PNPLA7: variants seen among roughly 807,000 people sequenced by gnomAD.
The protein encoded by PNPLA7 is patatin-like phospholipase domain-containing protein 7.
PNPLA7 carries 153 observed loss-of-function variants against 161.7 expected under a neutral mutation model. The ratio of observed to expected loss-of-function variants is 0.95; its 90% CI spans 0.83 to 1.08. The LOEUF is 1.08. PNPLA7 is among the 50% of genes least tolerant of loss of function. PNPLA7 has a pLI of 0.00. For synonymous variants in PNPLA7, 809 were observed against 782.1 expected (o/e 1.03, Z -0.57); for missense variants, 1,739 against 1,856.6 (o/e 0.94, Z 1.16).
intron 25 of PNPLA7, among the ~76,000 whole-genome samples, chr9:137,470,400 ACTTT>A (rs531225791): frequency 2.9e-3 from 438 of 152,154 alleles, no homozygotes; most frequent in Middle Eastern, 0.027. Flanking sequence ...TGGATATGAA[ACTTT>A]CTTTGTGGGG....
rs1217383880 is a variant in PNPLA7, at chr9:137,540,840, T to A, written c.667-118A>T. 3 of 855,102 alleles carry A rather than the reference T, an allele frequency of 3.5e-6. No homozygotes were observed. Among genetic ancestry groups the A allele is most frequent in the Admixed American group, 4.1e-5 (2 of 48,458 alleles). The allele number at this position is 855,102 out of a possible 1,614,324, so 53.0% of individuals were successfully genotyped here. Reference sequence around the variant, plus strand: ...ACGGGCCTGCACCTCTGAGGCGCCATGAGAGCAGCAGGCACCTTGGATGGA... The same window carrying A: ...ACGGGCCTGCACCTCTGAGGCGCCAAGAGAGCAGCAGGCACCTTGGATGGA... On this transcript the variant is annotated intron_variant, in intron 7 of 34. Coordinates refer to ENST00000406427, the MANE Select transcript of PNPLA7 (RefSeq NM_001098537.3). The surrounding 1 kb of genome is among the most constrained non-coding windows in gnomAD (Gnocchi z 5.1).
At chr9:137,478,899 A>T (rs1588559059) in intron 24 of PNPLA7, 157 bp downstream of exon 24, 9 of 1,083,828 alleles carry the variant, frequency 8.3e-6, no homozygotes, top group Non-Finnish European at 1.1e-5. Context: ...AAAGGGCAAG[A>T]TGAAGGAGAC....
rs116588758 is a variant in PNPLA7 at position 137,461,817 on chromosome 9, G to T, written c.3756+114C>A. 3.0e-3 allele frequency: 3,768 copies of T among 1,271,154 alleles called. 87 individuals are homozygous for T. In the African/African-American group the frequency reaches 0.05, roughly 17 times the overall value. The allele number at this position is 1,271,154 out of a possible 1,614,324, so 78.7% of individuals were successfully genotyped here. On this transcript the variant is annotated intron_variant, in intron 32 of 34. Coordinates refer to ENST00000406427, the MANE Select transcript of PNPLA7 (RefSeq NM_001098537.3). ...GGCCCTGGAGTCTTTGGCCAGGGGG[G>T]CAGGGCCTGTGGCCTGAGGAGCTGG...
At chr9:137,525,331 G>A (rs1835245128) in intron 8 of PNPLA7, among the ~76,000 whole-genome samples, 2 of 152,192 alleles carry the variant, frequency 1.3e-5, no homozygotes, top group African/African-American at 4.8e-5. Context: ...ACAAAGAGAT[G>A]GAAGAAAAGA....
chr9:137,532,515 A>G (rs769246387), intron 8 of PNPLA7, among the ~76,000 whole-genome samples: 4 of 152,222 alleles, frequency 2.6e-5, no homozygotes, highest in Non-Finnish European at 5.9e-5. Context: ...GCTCTCTTAA[A>G]AAGATACAAA....
intron 30 of PNPLA7, 81 bp from the exon 31 acceptor site, chr9:137,462,412 T>C: frequency 6.6e-7 from 1 of 1,517,410 alleles, no homozygotes; most frequent in Non-Finnish European, 8.8e-7. Context: ...GGACAGGTTC[T>C]GGGGACCCAT....
chr9:137,504,760 T>A (rs1455542557), intron 14 of PNPLA7, among the ~76,000 whole-genome samples: 1 of 152,186 alleles, frequency 6.6e-6, no homozygotes, highest in Non-Finnish European at 1.5e-5. Context: ...TTGGAGATTT[T>A]TGAGACAGAA....
Position 137,547,385 on chromosome 9 carries a change from A to T in PNPLA7, c.117T>A (p.Ile39=). The T allele has an allele frequency of 6.2e-7, 1 of 1,613,476 alleles. No individual in the cohort carries two copies. The highest frequency in any genetic ancestry group is 8.5e-7 in the Non-Finnish European group (1 of 1,179,972). ...CCAGGGCCAGGAGGGCTCCAACTGC[A>T]ATCCCCGTCAGCTGGCCGAGAGTGG... ...EGSPSTMLTG[I]AVGALLALAL... The change falls in exon 3 of 35, where the codon ATT becomes ATA. Residue 39 remains isoleucine, a synonymous_variant. Transcript: ENST00000406427. This position sits in a 1 kb window ranked among gnomAD's most constrained non-coding sequence, Gnocchi z 4.6.
Position 137,484,746 on chromosome 9 carries a change from A to G in PNPLA7, c.2198-10T>C. The G allele has an allele frequency of 6.2e-7, 1 of 1,602,314 alleles. No homozygotes were observed. Among genetic ancestry groups the G allele is most frequent in the African/African-American group, 1.3e-5 (1 of 74,858 alleles). On this transcript the variant is annotated splice_polypyrimidine_tract_variant and intron_variant, in intron 20 of 34. Transcript: ENST00000406427. ...AGCCCAAGCTGGTGGCCTGTGGAGC[A>G]AAGGACCCACGTCAGCTGGGACAGC...
At chr9:137,508,423 T>C (rs187107156) in intron 12 of PNPLA7, among the ~76,000 whole-genome samples, 7,037 of 151,714 alleles carry the variant, frequency 0.046, 237 homozygotes, top group Middle Eastern at 0.092. Flanking sequence ...AAAAATTAGC[T>C]GGGCATGGTG....
rs528134153 is a variant in PNPLA7 at position 137,489,576 on chromosome 9, C to G, written c.2197+3437G>C. Reference sequence around the variant, plus strand: ...GCATGTCACAGACGGAATTATTTCTCCAGGACGATAAAGCTGTTATCATTA... The same window carrying G: ...GCATGTCACAGACGGAATTATTTCTGCAGGACGATAAAGCTGTTATCATTA... On this transcript the variant is annotated intron_variant, in intron 20 of 34. Transcript: ENST00000406427. Among the ~76,000 whole-genome samples, 80 of 152,290 alleles carry G rather than the reference C, an allele frequency of 5.3e-4. 1 individual carries two copies. Among genetic ancestry groups the G allele is most frequent in the Middle Eastern group, 3.4e-3 (1 of 294 alleles).
Position 137,532,584 on chromosome 9 carries a change from G to A in PNPLA7, c.747+8058C>T, listed in dbSNP as rs535941203. 4.6e-5 allele frequency among the ~76,000 whole-genome samples: 7 copies of A among 152,278 alleles called. No homozygotes were observed. In the South Asian group the frequency reaches 6.2e-4, roughly 14 times the overall value. On this transcript the variant is annotated intron_variant, in intron 8 of 34. Coordinates refer to ENST00000406427, the MANE Select transcript of PNPLA7 (RefSeq NM_001098537.3). ...TAAAAAATGTCACTGAAATTTTAGC[G>A]GCTGATGAAAGCAAGTGACAGGGTC...
intron 14 of PNPLA7, among the ~76,000 whole-genome samples, chr9:137,502,737 C>CGGGGGAGACCCGGGGGAT (rs1554767775): frequency 1.6e-5 from 1 of 62,904 alleles, no homozygotes; most frequent in Non-Finnish European, 3.5e-5. Context: ...ACGGGGGGGA[C>CGGGGGAGACCCGGGGGAT]GAGAGGGATG....
At chr9:137,510,790 C>T (rs1223438254) in intron 12 of PNPLA7, among the ~76,000 whole-genome samples, 2 of 152,200 alleles carry the variant, frequency 1.3e-5, no homozygotes, top group Non-Finnish European at 2.9e-5. Flanking sequence ...GCCTGAAACG[C>T]CACCAGGCAG....
rs138732161 is a variant in PNPLA7, at chr9:137,475,925, T to A, written c.2882+2109A>T. ...TATGCATGGTCTTAAAATGTTTACT[T>A]CCCCATGCGTCTTCTCCTAGGGAGA... On this transcript the variant is annotated intron_variant, in intron 25 of 34. Transcript: ENST00000406427. 7.5e-4 allele frequency among the ~76,000 whole-genome samples: 114 copies of A among 152,286 alleles called. 1 individual carries two copies. Among genetic ancestry groups the A allele is most frequent in the Non-Finnish European group, 1.2e-3 (83 of 68,032 alleles).
At chr9:137,465,368 C>T (rs1368332079) in intron 26 of PNPLA7, among the ~76,000 whole-genome samples, 6 of 152,134 alleles carry the variant, frequency 3.9e-5, no homozygotes, top group East Asian at 1.9e-4. Flanking sequence ...GATCCCAGCA[C>T]GGAAAGAGGA....
intron 25 of PNPLA7, among the ~76,000 whole-genome samples, chr9:137,475,626 G>A (rs534320544): frequency 1.3e-5 from 2 of 151,904 alleles, no homozygotes; most frequent in Non-Finnish European, 2.9e-5. Context: ...TGCCCACCTT[G>A]GCCTCCCAAA....
intron 21 of PNPLA7, among the ~76,000 whole-genome samples, chr9:137,484,250 C>T (rs2132164850): frequency 6.6e-6 from 1 of 152,288 alleles, no homozygotes; most frequent in African/African-American, 2.4e-5. Flanking sequence ...TTTGCCAAGA[C>T]AACACTGAAA....
intron 8 of PNPLA7, among the ~76,000 whole-genome samples, chr9:137,528,409 T>C (rs1036335090): frequency 5.3e-5 from 8 of 151,380 alleles, no homozygotes; most frequent in Admixed American, 1.3e-4. Flanking sequence ...CGTGGCTCAC[T>C]GCAACCTCTG....
Sources: allele counts gnomAD v4.1 joint callset (sites outside exome capture counted in the v4.1 genomes callset), GRCh38; gene constraint gnomAD v4.1.1; non-coding constraint Gnocchi (gnomAD v3.1); transcripts MANE v1.5; gene names NCBI Gene and HGNC (gene_info 2026-07-23, HGNC 2026-07-21).